The following ROCK2 variants were observed in gnomAD, a reference collection of about 807,000 sequenced individuals.
ROCK2 encodes the protein Rho associated coiled-coil containing protein kinase 2, also known as rho-associated protein kinase 2.
In ROCK2, 61 loss-of-function variants were observed where a neutral mutation model predicts 195.1. That is an observed-to-expected ratio of 0.31 (90% CI 0.25 to 0.39). The LOEUF is 0.39. Ranked by LOEUF, ROCK2 falls within the 10% of genes least tolerant of loss-of-function variation. The pLI, the probability that ROCK2 is intolerant of heterozygous loss-of-function variation, is 1.00. For missense variants in ROCK2, 1,109 were observed against 1,637.4 expected (o/e 0.68, Z 5.57); for synonymous variants, 504 against 545.5 (o/e 0.92, Z 1.06).
At chr2:11,339,884 C>A (rs994011237) in intron 1 of ROCK2, among the ~76,000 whole-genome samples, 1 of 152,158 alleles carries the variant, frequency 6.6e-6, no homozygotes, top group Non-Finnish European at 1.5e-5. Context: ...CTTCTACAGG[C>A]TAGTGTTCCA....
At chr2:11,220,540 A>T (rs1228997843) in intron 9 of ROCK2, among the ~76,000 whole-genome samples, 1 of 152,206 alleles carries the variant, frequency 6.6e-6, no homozygotes, top group Non-Finnish European at 1.5e-5. Flanking sequence ...CTAGATGCAG[A>T]GACTACAGGC....
chr2:11,307,399 C>T (rs1434686283), intron 1 of ROCK2, among the ~76,000 whole-genome samples: 8 of 152,264 alleles, frequency 5.3e-5, no homozygotes, highest in Middle Eastern at 3.4e-3. Context: ...CTGCAACCTC[C>T]GCCTCCCAGG....
intron 9 of ROCK2, 66 bp downstream of exon 9, chr2:11,221,132 A>C: frequency 8.0e-7 from 1 of 1,247,146 alleles, no homozygotes; most frequent in Admixed American, 2.8e-5. Context: ...TGAGTCTCAA[A>C]ATAACACATC....
intron 32 of ROCK2, among the ~76,000 whole-genome samples, chr2:11,184,923 T>C (rs72785471): frequency 0.043 from 6,473 of 152,290 alleles, 280 homozygotes; most frequent in Non-Finnish European, 0.06. Context: ...CGGACGCACA[T>C]AGGGAAGCCT....
chr2:11,259,184 T>A (rs1403455265), intron 3 of ROCK2, among the ~76,000 whole-genome samples: 1 of 151,412 alleles, frequency 6.6e-6, no homozygotes. Flanking sequence ...TACATTAAAA[T>A]AATAAATATT....
rs1488459104 is a variant in ROCK2 at position 11,335,284 on chromosome 2, A to C, written c.141+8712T>G. 2.0e-5 allele frequency among the ~76,000 whole-genome samples: 3 copies of C among 152,226 alleles called. No individual in the cohort carries two copies. In the Middle Eastern group the frequency reaches 0.01, roughly 518 times the overall value. On this transcript the variant is annotated intron_variant, in intron 1 of 32. Coordinates refer to ENST00000315872, the MANE Select transcript of ROCK2 (RefSeq NM_004850.5). ...ATTTACAAGAATATCTATATAATTT[A>C]ATAATACTTTAAAGGGGGGCAGGAG...
rs115538099 is a variant in ROCK2 at position 11,232,197 on chromosome 2, C to T, written c.723+3505G>A. Among the ~76,000 whole-genome samples, 882 of 151,676 alleles carry T rather than the reference C, an allele frequency of 5.8e-3. 12 individuals are homozygous for T. The highest frequency in any genetic ancestry group is 0.02 in the African/African-American group (827 of 41,348). On this transcript the variant is annotated intron_variant, in intron 5 of 32. Transcript: ENST00000315872. ...GGAGGGCTGTGGCCTGGCACGATCT[C>T]GGCTCACTGCAACTTCCACCCCCTG...
At chr2:11,322,459 T>C (rs1234499910) in intron 1 of ROCK2, among the ~76,000 whole-genome samples, 1 of 151,738 alleles carries the variant, frequency 6.6e-6, no homozygotes, top group East Asian at 1.9e-4. Context: ...TCATGACTGT[T>C]GCTGCCATTG....
rs190769228 is a variant in ROCK2, at chr2:11,215,516, T to G, written c.1591A>C (p.Asn531His). The G allele has an allele frequency of 1.2e-5, 20 of 1,612,260 alleles. No homozygotes were observed. The East Asian group carries it at 4.2e-4, about 34-fold the overall frequency. ...HEADKKRNLE[N>H]DVNSLKDQLE... is the part of the protein sequence containing the mutation. ...AATATTCTACACCACAAACCATCAT[T>G]TTCCAAATTTCGTTTTTTGTCTGCT... The change falls in exon 14 of 33, where the codon AAT (asparagine) becomes CAT (histidine). Residue 531 changes from asparagine to histidine, a missense_variant. Asn to His is a moderately conservative substitution (Grantham distance 68). Around this residue, in one of 6 missense-constraint regions of ROCK2, gnomAD observed 542 missense variants for 672.0 expected, o/e 0.81. Transcript: ENST00000315872.
At chr2:11,308,433 G>A (rs1488994284) in intron 1 of ROCK2, 4 of 1,606,640 alleles carry the variant, frequency 2.5e-6, no homozygotes, top group African/African-American at 1.3e-5. Flanking sequence ...GAAGAAGAGG[G>A]TGGTGCTGGA....
intron 20 of ROCK2, among the ~76,000 whole-genome samples, chr2:11,205,026 T>C (rs1663999529): frequency 6.6e-6 from 1 of 152,214 alleles, no homozygotes; most frequent in Non-Finnish European, 1.5e-5. Context: ...GTTTTCTCAC[T>C]GGCAAGCTTC....
intron 3 of ROCK2, among the ~76,000 whole-genome samples, chr2:11,267,771 G>A (rs1229659368): frequency 1.4e-5 from 2 of 146,946 alleles, no homozygotes; most frequent in African/African-American, 2.5e-5. Context: ...GCACGATCTC[G>A]GCTCGCTGGG....
At chr2:11,308,188 T>C in intron 1 of ROCK2, 1 of 1,592,356 alleles carries the variant, frequency 6.3e-7, no homozygotes, top group Non-Finnish European at 8.6e-7. Flanking sequence ...AATTCTGAAT[T>C]CACAGAAGAA....
intron 3 of ROCK2, among the ~76,000 whole-genome samples, chr2:11,279,399 A>C (rs1476699006): frequency 6.6e-6 from 1 of 152,238 alleles, no homozygotes; most frequent in African/African-American, 2.4e-5. Context: ...CAGACGAGCA[A>C]ACTTCAAAGC....
At chr2:11,271,685 G>A (rs1272243391) in intron 3 of ROCK2, among the ~76,000 whole-genome samples, 1 of 152,164 alleles carries the variant, frequency 6.6e-6, no homozygotes, top group Non-Finnish European at 1.5e-5. Flanking sequence ...TACTCAAGGG[G>A]TATGGTGCTC....
chr2:11,307,555 G>A (rs188990274), intron 1 of ROCK2, among the ~76,000 whole-genome samples: 1 of 151,720 alleles, frequency 6.6e-6, no homozygotes, highest in Non-Finnish European at 1.5e-5. Flanking sequence ...CTCGTGATCC[G>A]CCCGCCTCAG....
intron 32 of ROCK2, among the ~76,000 whole-genome samples, chr2:11,190,709 A>AATAT (rs1396793900): frequency 6.6e-6 from 1 of 152,220 alleles, no homozygotes; most frequent in East Asian, 1.9e-4. Context: ...CAAATGAGAT[A>AATAT]ATATATAAGA....
In ROCK2 at chr2:11,222,135, T is replaced by C; in HGVS notation, c.1047A>G (p.Arg349=). 1 of 1,611,142 alleles carries C rather than the reference T, an allele frequency of 6.2e-7. No individual in the cohort carries two copies. Among genetic ancestry groups the C allele is most frequent in the Non-Finnish European group, 8.5e-7 (1 of 1,177,798 alleles). ...GATCATTCTTAAAGAAAGGATGCTG[T>C]CTGATTTCTTCCACCCCATTTCTCC... ...RLGRNGVEEI[R]QHPFFKNDQW... The change falls in exon 8 of 33, where the codon AGA becomes AGG. Residue 349 remains arginine, a synonymous_variant. Coordinates refer to ENST00000315872, the MANE Select transcript of ROCK2 (RefSeq NM_004850.5).
Position 11,235,830 on chromosome 2 carries a change from C to T in ROCK2, c.595G>A (p.Val199Ile). ...KWAKFYTAEV[V>I]LALDAIHSMG... Reference sequence around the variant, plus strand: ...GAGTGTATTGCATCCAGAGCAAGAACAACTTCAGCAGTGTAAAATTTGGCC... The same window carrying T: ...GAGTGTATTGCATCCAGAGCAAGAATAACTTCAGCAGTGTAAAATTTGGCC... Residue 199 changes from valine to isoleucine, a missense_variant, in exon 5 of 33, where the codon GTT (valine) becomes ATT (isoleucine). Around this residue, in one of 6 missense-constraint regions of ROCK2, gnomAD observed 253 missense variants for 455.5 expected, o/e 0.56. Coordinates refer to ENST00000315872, the MANE Select transcript of ROCK2 (RefSeq NM_004850.5). This position sits in a 1 kb window ranked among gnomAD's most constrained non-coding sequence, Gnocchi z 4.2. The T allele has an allele frequency of 6.2e-7, 1 of 1,613,976 alleles. No individual in the cohort carries two copies. Among genetic ancestry groups the T allele is most frequent in the Non-Finnish European group, 8.5e-7 (1 of 1,179,948 alleles).
Sources: allele counts gnomAD v4.1 joint callset (sites outside exome capture counted in the v4.1 genomes callset), GRCh38; gene constraint gnomAD v4.1.1; regional missense constraint gnomAD v4.1.1; non-coding constraint Gnocchi (gnomAD v3.1); transcripts MANE v1.5; gene names NCBI Gene and HGNC (gene_info 2026-07-23, HGNC 2026-07-21).